Variants in ADGRL4 observed in about 807,000 individuals in gnomAD.
The protein encoded by ADGRL4 is adhesion G protein-coupled receptor L4, also known as EGF, latrophilin and seven transmembrane domain containing 1.
In ADGRL4, 90 loss-of-function variants were observed where a neutral mutation model predicts 74.8. The observed-to-expected ratio is 1.20, with a 90% CI of 1.02 to 1.43. The LOEUF (loss-of-function observed/expected upper bound fraction) is 1.43, where lower values mean the gene tolerates loss of function less well. Ranked by LOEUF, ADGRL4 falls within the 40% of genes most tolerant of loss-of-function variation. ADGRL4 has a pLI of 0.00. For missense variants in ADGRL4, 881 were observed against 814.3 expected, an observed-to-expected ratio of 1.08 and a Z score of -1.00; for synonymous variants, 311 against 279.2, an observed-to-expected ratio of 1.11 and a Z score of -1.14.
chr1:78,911,614 AACAC>A (rs34707725), intron 12 of ADGRL4, among the ~76,000 whole-genome samples: 25,372 of 149,918 alleles, frequency 0.17, 2,400 homozygotes, highest in East Asian at 0.25. Flanking sequence ...TCAAGATCTA[AACAC>A]ACACACACAC....
intron 2 of ADGRL4, among the ~76,000 whole-genome samples, chr1:78,967,691 T>G (rs1047194151): frequency 2.0e-5 from 3 of 152,200 alleles, no homozygotes; most frequent in Non-Finnish European, 4.4e-5. Flanking sequence ...AAAAGGGTAT[T>G]ATGGTTTTTC....
intron 2 of ADGRL4, among the ~76,000 whole-genome samples, chr1:78,951,158 T>A (rs1331080992): frequency 1.3e-5 from 2 of 152,078 alleles, no homozygotes; most frequent in African/African-American, 4.8e-5. Flanking sequence ...TCCTTCTAAC[T>A]CCCCAGGTTC....
chr1:78,911,891 A>G (rs1264507941), intron 12 of ADGRL4, among the ~76,000 whole-genome samples: 3 of 151,906 alleles, frequency 2.0e-5, no homozygotes, highest in Non-Finnish European at 4.4e-5. Flanking sequence ...TTAGGAACCC[A>G]AGGCTAGGCG....
intron 7 of ADGRL4, among the ~76,000 whole-genome samples, chr1:78,935,082 C>T (rs1438873313): frequency 6.6e-6 from 1 of 152,108 alleles, no homozygotes; most frequent in East Asian, 1.9e-4. Flanking sequence ...ATAAATCATT[C>T]TACTATAAAT....
At chr1:78,944,572 A>T (rs535375021) in intron 3 of ADGRL4, among the ~76,000 whole-genome samples, 1 of 152,178 alleles carries the variant, frequency 6.6e-6, no homozygotes, top group African/African-American at 2.4e-5. Flanking sequence ...TTGTTTTCTC[A>T]TATTTTAAAT....
intron 12 of ADGRL4, among the ~76,000 whole-genome samples, chr1:78,899,416 G>T (rs1358852373): frequency 2.6e-5 from 4 of 152,104 alleles, no homozygotes; most frequent in Non-Finnish European, 5.9e-5. Flanking sequence ...GTGCAGCGGT[G>T]CAATCATAGT....
chr1:78,922,533 A>G (rs566139536), intron 8 of ADGRL4, among the ~76,000 whole-genome samples: 2 of 152,172 alleles, frequency 1.3e-5, no homozygotes, highest in East Asian at 3.9e-4. Flanking sequence ...TCTCCTTATC[A>G]TACTTTTATA....
In ADGRL4 at chr1:78,937,686, A is replaced by G. The variant is rs572306053; in HGVS notation, c.760+121T>C. 12 of 851,904 alleles carry G rather than the reference A, an allele frequency of 1.4e-5. No individual in the cohort carries two copies. In the African/African-American group the frequency reaches 1.9e-4, roughly 13 times the overall value. 52.8% of individuals were successfully genotyped at this position (851,904 alleles called of 1,614,324 possible). A position where few individuals can be genotyped will look rare whatever the true frequency, so the allele number is the denominator to read the frequency against. The stretch of plus-strand genomic sequence containing the variant: ...CATCACCATTCATTTGTACACTGAT[A>G]AAACTACTTTCAATGTAATCAATAC... On this transcript the variant is annotated intron_variant, in intron 6 of 14. Coordinates refer to ENST00000370742, the MANE Select transcript of ADGRL4 (RefSeq NM_022159.4).
chr1:78,985,520 T>A (rs931579082), intron 2 of ADGRL4, among the ~76,000 whole-genome samples: 1 of 151,856 alleles, frequency 6.6e-6, no homozygotes, highest in Non-Finnish European at 1.5e-5. Context: ...TAACTGTTGT[T>A]ACACAATTGG....
At chr1:78,957,643 G>A (rs1438074745) in intron 2 of ADGRL4, among the ~76,000 whole-genome samples, 2 of 152,126 alleles carry the variant, frequency 1.3e-5, no homozygotes, top group South Asian at 2.1e-4. Context: ...AGCAGAGGTC[G>A]GTTCATGAGG....
At position 78,983,999 on chromosome 1, in the gene ADGRL4, A is replaced by G. The variant is rs1298601053; in HGVS notation, c.172+21071T>C. On this transcript the variant is annotated intron_variant, in intron 2 of 14. Transcript: ENST00000370742. ...TCAGGACAAAGAATAGTGAACTCAG[A>G]AGGAAAGAAAGGTAAACATGAAGGA... 2.0e-5 allele frequency among the ~76,000 whole-genome samples: 3 copies of G among 151,828 alleles called. No individual in the cohort carries two copies. In the East Asian group the frequency reaches 5.8e-4, roughly 29 times the overall value.
intron 8 of ADGRL4, among the ~76,000 whole-genome samples, chr1:78,923,086 G>T (rs1649035874): frequency 6.6e-6 from 1 of 151,922 alleles, no homozygotes; most frequent in Non-Finnish European, 1.5e-5. Flanking sequence ...ATTGCTAGAA[G>T]TTTGTCAAGG....
At chr1:78,941,192 T>G (rs1167204282) in intron 3 of ADGRL4, among the ~76,000 whole-genome samples, 1 of 152,162 alleles carries the variant, frequency 6.6e-6, no homozygotes, top group East Asian at 1.9e-4. Flanking sequence ...ACAAGTGACC[T>G]TGGGATATGG....
At chr1:78,960,825 C>T (rs2100707953) in intron 2 of ADGRL4, among the ~76,000 whole-genome samples, 1 of 152,292 alleles carries the variant, frequency 6.6e-6, no homozygotes, top group South Asian at 2.1e-4. Flanking sequence ...CAGATCCTCA[C>T]CAGACAATGA....
intron 3 of ADGRL4, among the ~76,000 whole-genome samples, chr1:78,942,773 AT>A (rs2100692679): frequency 6.6e-6 from 1 of 152,176 alleles, no homozygotes; most frequent in South Asian, 2.1e-4. Context: ...TACTAAAAAA[AT>A]TTAAAAATTA....
intron 2 of ADGRL4, among the ~76,000 whole-genome samples, chr1:78,968,401 G>A (rs1285598928): frequency 6.6e-6 from 1 of 150,916 alleles, no homozygotes; most frequent in Non-Finnish European, 1.5e-5. Flanking sequence ...ACAAAGGAAT[G>A]TATAGTAGTT....
intron 2 of ADGRL4, among the ~76,000 whole-genome samples, chr1:78,972,225 C>CTAAATTCA (rs1281802059): frequency 6.6e-6 from 1 of 152,084 alleles, no homozygotes; most frequent in Non-Finnish European, 1.5e-5. Flanking sequence ...CATGTAAAAC[C>CTAAATTCA]TGTATTTATC....
In ADGRL4 at chr1:78,910,628, T is replaced by A. The variant is rs377241057; in HGVS notation, c.1749+7006A>T. 3.6e-3 allele frequency among the ~76,000 whole-genome samples: 542 copies of A among 151,968 alleles called. 2 individuals carry two copies. Among genetic ancestry groups the A allele is most frequent in the African/African-American group, 0.012 (517 of 41,532 alleles). ...TCTTCTTTATAGTTGTGTACTTGAATCTAATCACTTACATAGTTTTAGTTT... is the reference window on the plus strand; with the variant it reads ...TCTTCTTTATAGTTGTGTACTTGAAACTAATCACTTACATAGTTTTAGTTT... On this transcript the variant is annotated intron_variant, in intron 12 of 14. Transcript: ENST00000370742.
chr1:78,960,109 T>C (rs1464225987), intron 2 of ADGRL4, among the ~76,000 whole-genome samples: 1 of 152,196 alleles, frequency 6.6e-6, no homozygotes, highest in Non-Finnish European at 1.5e-5. Context: ...TCATTGCTTA[T>C]TGATGAGTTA....
Sources: gnomAD v4.1 joint callset for allele counts (sites outside exome capture counted in the v4.1 genomes callset) on GRCh38, gnomAD v4.1.1 for gene constraint, MANE v1.5 for transcripts, NCBI Gene and HGNC (gene_info 2026-07-23, HGNC 2026-07-21) for gene names.